PTPRD: variants seen among roughly 807,000 people sequenced by gnomAD.
The protein encoded by PTPRD is receptor-type tyrosine-protein phosphatase delta.
Under a neutral mutation model 214.5 loss-of-function variants are expected in PTPRD, and 34 were observed. That is an observed-to-expected ratio of 0.16 (90% CI 0.12 to 0.21). The LOEUF (loss-of-function observed/expected upper bound fraction) is 0.21, where lower values mean the gene tolerates loss of function less well. Ranked by LOEUF, PTPRD falls within the 10% of genes least tolerant of loss-of-function variation. The probability of loss-of-function intolerance (pLI) is 1.00; values close to 1 mark genes in which losing one functional copy is unlikely to be tolerated. For missense variants in PTPRD, 2,545 were observed against 2,398.7 expected (o/e 1.06, Z -1.27); for synonymous variants, 1,128 against 845.7 (o/e 1.33, Z -5.79).
At chr9:9,832,845 T>G (rs570840815) in intron 5 of PTPRD, among the ~76,000 whole-genome samples, 126 of 151,104 alleles carry the variant, frequency 8.3e-4, no homozygotes, top group African/African-American at 3.1e-3. Context: ...GACTCCTCAA[T>G]GAGTTTTTGT....
intron 39 of PTPRD, among the ~76,000 whole-genome samples, chr9:8,345,547 G>A (rs1230905273): frequency 6.6e-6 from 1 of 152,058 alleles, no homozygotes; most frequent in African/African-American, 2.4e-5. Context: ...AGTCAAGGGA[G>A]TATGGGAAAC....
intron 9 of PTPRD, among the ~76,000 whole-genome samples, chr9:9,278,096 C>A (rs1361668758): frequency 1.3e-5 from 2 of 151,068 alleles, no homozygotes; most frequent in Non-Finnish European, 3.0e-5. Flanking sequence ...ATGCTTTCCA[C>A]GATTTGACAT....
intron 3 of PTPRD, among the ~76,000 whole-genome samples, chr9:10,235,574 G>A (rs780696256): frequency 4.7e-4 from 72 of 151,898 alleles, no homozygotes; most frequent in South Asian, 2.1e-4. Flanking sequence ...ACTCCTGCAG[G>A]AAAACAAATG....
chr9:9,211,823 G>C (rs1174799760), intron 9 of PTPRD, among the ~76,000 whole-genome samples: 2 of 144,334 alleles, frequency 1.4e-5, no homozygotes, highest in Non-Finnish European at 3.0e-5. Flanking sequence ...TTTTCATTTT[G>C]AAATTAAAGA....
intron 5 of PTPRD, among the ~76,000 whole-genome samples, chr9:9,848,509 A>G (rs2059955281): frequency 6.6e-6 from 1 of 152,132 alleles, no homozygotes; most frequent in South Asian, 2.1e-4. Flanking sequence ...ACTCAAAAGG[A>G]AAGTGATGAG....
intron 7 of PTPRD, among the ~76,000 whole-genome samples, chr9:9,731,069 G>C (rs1384629799): frequency 1.3e-5 from 2 of 152,068 alleles, no homozygotes; most frequent in Non-Finnish European, 2.9e-5. Context: ...CCTTATTTAA[G>C]TGAAAAAATG....
chr9:9,240,151 TTA>T (rs1245130761), intron 9 of PTPRD, among the ~76,000 whole-genome samples: 1 of 148,644 alleles, frequency 6.7e-6, no homozygotes, highest in Admixed American at 6.8e-5. Flanking sequence ...TCAATAATAT[TTA>T]TGTTTTATAA....
chr9:9,892,592 A>C (rs920133963), intron 5 of PTPRD, among the ~76,000 whole-genome samples: 1 of 152,150 alleles, frequency 6.6e-6, no homozygotes, highest in African/African-American at 2.4e-5. Context: ...ATGAAAAAGC[A>C]TTGGAACATT....
chr9:9,794,704 A>G (rs1008681173), intron 5 of PTPRD, among the ~76,000 whole-genome samples: 4 of 152,222 alleles, frequency 2.6e-5, no homozygotes, highest in African/African-American at 9.6e-5. Flanking sequence ...TCAATTTTAC[A>G]GATAATAAAA....
chr9:10,462,273 T>G (rs764977245), intron 2 of PTPRD, among the ~76,000 whole-genome samples: 9 of 152,308 alleles, frequency 5.9e-5, no homozygotes, highest in Non-Finnish European at 1.3e-4. Context: ...TGTAGAAATA[T>G]TTCTATATGA....
At chr9:10,343,224 G>A (rs186778667) in intron 2 of PTPRD, among the ~76,000 whole-genome samples, 271 of 152,058 alleles carry the variant, frequency 1.8e-3, no homozygotes, top group African/African-American at 6.2e-3. Context: ...GAGAACGTGC[G>A]ATGTTTGGTT....
chr9:8,504,699 C>T (rs762928234), intron 22 of PTPRD, among the ~76,000 whole-genome samples: 1 of 152,200 alleles, frequency 6.6e-6, no homozygotes, highest in African/African-American at 2.4e-5. Flanking sequence ...GAGGCCAACA[C>T]CCATGAGTAT....
intron 2 of PTPRD, among the ~76,000 whole-genome samples, chr9:10,490,505 C>A (rs908120655): frequency 2.6e-5 from 4 of 152,136 alleles, no homozygotes; most frequent in African/African-American, 9.7e-5. Flanking sequence ...TTCTTTCCTT[C>A]TCAAATCAGT....
chr9:8,935,104 G>A (rs1050391339), intron 11 of PTPRD, among the ~76,000 whole-genome samples: 2 of 151,936 alleles, frequency 1.3e-5, no homozygotes, highest in African/African-American at 2.4e-5. Flanking sequence ...ATTGGCTATT[G>A]TGAATAATGC....
chr9:8,767,577 G>C (rs1487396447), intron 11 of PTPRD, among the ~76,000 whole-genome samples: 2 of 152,160 alleles, frequency 1.3e-5, no homozygotes, highest in Admixed American at 6.5e-5. Context: ...ACCATACGTT[G>C]AGTCATAATA....
At chr9:10,127,041 C>T (rs1374428887) in intron 3 of PTPRD, among the ~76,000 whole-genome samples, 1 of 150,654 alleles carries the variant, frequency 6.6e-6, no homozygotes, top group Non-Finnish European at 1.5e-5. Context: ...TCAGGGAAAG[C>T]AAGGGAAACA....
chr9:9,633,007 G>A (rs10977898), intron 7 of PTPRD, among the ~76,000 whole-genome samples: 29,725 of 151,940 alleles, frequency 0.2, 3,521 homozygotes, highest in African/African-American at 0.34. Flanking sequence ...ATTAGAAAGA[G>A]TAGCTGGCTA....
chr9:9,127,179 T>C lies in PTPRD; in HGVS notation c.-143+56125A>G, dbSNP rs114195384. ...TGCTGACTCACCTCATGTGCACTTCTTTGGGATGTATGGGAAAACGAGAAT... is the reference window on the plus strand; with the variant it reads ...TGCTGACTCACCTCATGTGCACTTCCTTGGGATGTATGGGAAAACGAGAAT... On this transcript the variant is annotated intron_variant, in intron 10 of 45. Transcript: ENST00000381196. 4.3e-3 allele frequency among the ~76,000 whole-genome samples: 658 copies of C among 152,264 alleles called. 6 individuals are homozygous for C. The highest frequency in any genetic ancestry group is 0.015 in the African/African-American group (626 of 41,556).
intron 35 of PTPRD, among the ~76,000 whole-genome samples, chr9:8,426,631 C>T (rs759972866): frequency 5.3e-5 from 8 of 151,622 alleles, no homozygotes; most frequent in South Asian, 2.1e-4. Context: ...ATGAGAACAA[C>T]GACTGAGAAA....
Sources: allele counts gnomAD v4.1 joint callset (sites outside exome capture counted in the v4.1 genomes callset), GRCh38; gene constraint gnomAD v4.1.1; transcripts MANE v1.5; gene names NCBI Gene and HGNC (gene_info 2026-07-23, HGNC 2026-07-21).